TECRL: variants seen among roughly 807,000 people sequenced by gnomAD.
The protein encoded by TECRL is trans-2,3-enoyl-CoA reductase-like.
In TECRL, 63 loss-of-function variants were observed where a neutral mutation model predicts 52.8. The ratio of observed to expected loss-of-function variants is 1.19; its 90% CI spans 0.97 to 1.47. The LOEUF is 1.47. Among genes scored for constraint, TECRL ranks in the 40% most tolerant of loss-of-function variants. TECRL has a pLI of 0.00. For synonymous variants in TECRL, 164 were observed against 141.9 expected, an observed-to-expected ratio of 1.16 and a Z score of -1.10; for missense variants, 482 against 429.6, an observed-to-expected ratio of 1.12 and a Z score of -1.08.
At chr4:64,282,962 G>A (rs375115114) in intron 9 of TECRL, among the ~76,000 whole-genome samples, 6 of 151,918 alleles carry the variant, frequency 3.9e-5, no homozygotes, top group Non-Finnish European at 5.9e-5. Flanking sequence ...TGCCCCACCA[G>A]ATTCTTCTTT....
At chr4:64,333,806 G>T (rs1718825954) in intron 2 of TECRL, among the ~76,000 whole-genome samples, 1 of 146,010 alleles carries the variant, frequency 6.8e-6, no homozygotes, top group Non-Finnish European at 1.5e-5. Flanking sequence ...GGATCATGAG[G>T]TCAGGAGATC....
intron 1 of TECRL, among the ~76,000 whole-genome samples, chr4:64,400,830 G>C (rs1269833660): frequency 1.3e-5 from 2 of 152,094 alleles, no homozygotes; most frequent in Non-Finnish European, 2.9e-5. Flanking sequence ...GATGCCACTA[G>C]GCTTCCTGTA....
At chr4:64,387,268 T>C (rs1334264923) in intron 1 of TECRL, among the ~76,000 whole-genome samples, 2 of 152,156 alleles carry the variant, frequency 1.3e-5, no homozygotes, top group Non-Finnish European at 2.9e-5. Context: ...TAGTGCTGAA[T>C]AACATTCCAC....
At chr4:64,333,922 G>A (rs2110057217) in intron 2 of TECRL, among the ~76,000 whole-genome samples, 1 of 140,738 alleles carries the variant, frequency 7.1e-6, no homozygotes, top group South Asian at 2.2e-4. Context: ...TACTCGGGAG[G>A]CTGAGGCAGG....
chr4:64,379,609 A>G (rs1044965426), intron 1 of TECRL, among the ~76,000 whole-genome samples: 8 of 152,130 alleles, frequency 5.3e-5, no homozygotes, highest in Non-Finnish European at 1.2e-4. Flanking sequence ...GTTTCTACCC[A>G]TTAACTAACC....
intron 1 of TECRL, among the ~76,000 whole-genome samples, chr4:64,377,371 G>A (rs1007369985): frequency 6.6e-6 from 1 of 151,992 alleles, no homozygotes; most frequent in Non-Finnish European, 1.5e-5. Context: ...AATTAGCTGA[G>A]CATATAAGAG....
rs184307823 is a variant in TECRL, at chr4:64,380,765, T to G, written c.235-5542A>C. On this transcript the variant is annotated intron_variant, in intron 1 of 11. Coordinates refer to ENST00000381210, the MANE Select transcript of TECRL (RefSeq NM_001010874.5). ...TGTTCCATAGGTCTATTTCTATTCT[T>G]GTACCAATGCAATGCTGTTTTGGTT... Among the ~76,000 whole-genome samples, 41 of 152,224 alleles carry G rather than the reference T, an allele frequency of 2.7e-4. 1 individual carries two copies. The highest frequency in any genetic ancestry group is 2.5e-3 in the Admixed American group (38 of 15,264).
At chr4:64,337,002 G>T (rs931106636) in intron 2 of TECRL, among the ~76,000 whole-genome samples, 8 of 152,152 alleles carry the variant, frequency 5.3e-5, no homozygotes, top group Non-Finnish European at 8.8e-5. Flanking sequence ...GGGGTGGAGA[G>T]TTCTGTAGCT....
At chr4:64,345,952 G>GTATTA (rs1719948180) in intron 2 of TECRL, among the ~76,000 whole-genome samples, 3 of 95,298 alleles carry the variant, frequency 3.1e-5, no homozygotes, top group Non-Finnish European at 5.7e-5. Context: ...ATCCCTCAAA[G>GTATTA]TATTAAGTGG....
chr4:64,332,846 G>A (rs1718740487), intron 2 of TECRL, among the ~76,000 whole-genome samples: 1 of 151,990 alleles, frequency 6.6e-6, no homozygotes, highest in African/African-American at 2.4e-5. Flanking sequence ...TATACATGAT[G>A]AGCAATGAAA....
At chr4:64,315,274 T>G (rs2110013652) in intron 4 of TECRL, among the ~76,000 whole-genome samples, 1 of 152,292 alleles carries the variant, frequency 6.6e-6, no homozygotes, top group South Asian at 2.1e-4. Context: ...TTTTATATTT[T>G]AATTCTAATG....
intron 2 of TECRL, among the ~76,000 whole-genome samples, chr4:64,343,994 G>A (rs866621001): frequency 1.3e-5 from 2 of 150,730 alleles, no homozygotes. Context: ...GAGAGGAAGG[G>A]GTCTATCCCC....
intron 1 of TECRL, among the ~76,000 whole-genome samples, chr4:64,400,506 C>A (rs1288797876): frequency 6.6e-6 from 1 of 151,990 alleles, no homozygotes; most frequent in Non-Finnish European, 1.5e-5. Flanking sequence ...TTGGAGGGAC[C>A]AAGGGCAGAA....
intron 1 of TECRL, among the ~76,000 whole-genome samples, chr4:64,389,559 A>AT (rs1723410318): frequency 6.6e-6 from 1 of 151,652 alleles, no homozygotes; most frequent in African/African-American, 2.4e-5. Flanking sequence ...TTTTTGAGGG[A>AT]TTTTGGTTTG....
chr4:64,322,639 T>C (rs1717983293), intron 4 of TECRL, 50 bp downstream of exon 4: 1 of 1,319,720 alleles, frequency 7.6e-7, no homozygotes, highest in Non-Finnish European at 1.1e-6. Context: ...CAATAAATTA[T>C]TTAGAGCAAA....
At chr4:64,346,152 A>G (rs115204184) in intron 2 of TECRL, among the ~76,000 whole-genome samples, 6 of 152,264 alleles carry the variant, frequency 3.9e-5, no homozygotes, top group African/African-American at 1.4e-4. Context: ...TATGGGAAAA[A>G]TACTTTCTTG....
At chr4:64,304,464 T>C (rs1724210345) in intron 7 of TECRL, among the ~76,000 whole-genome samples, 1 of 152,070 alleles carries the variant, frequency 6.6e-6, no homozygotes, top group African/African-American at 2.4e-5. Context: ...AGTTTGAATA[T>C]ACCATTTATT....
downstream of TECRL, chr4:64,277,200 G>GA (rs35258976): frequency 1.9e-5 from 9 of 467,364 alleles, no homozygotes; most frequent in African/African-American, 3.9e-5. Context: ...AGTATAATGG[G>GA]AAAAAAAATG....
chr4:64,339,340 T>C (rs1448722784), intron 2 of TECRL, among the ~76,000 whole-genome samples: 4 of 150,270 alleles, frequency 2.7e-5, no homozygotes, highest in Non-Finnish European at 5.9e-5. Context: ...GTGAATGACG[T>C]AAATGATGAG....
Sources: gnomAD v4.1 joint callset for allele counts (sites outside exome capture counted in the v4.1 genomes callset) on GRCh38, gnomAD v4.1.1 for gene constraint, MANE v1.5 for transcripts, NCBI Gene and HGNC (gene_info 2026-07-23, HGNC 2026-07-21) for gene names.